RPS12: variants seen among roughly 807,000 people sequenced by gnomAD.
The protein encoded by RPS12 is small ribosomal subunit protein eS12.
A neutral mutation model predicts 17.2 loss-of-function variants in RPS12; 1 was observed. The ratio of observed to expected loss-of-function variants is 0.06; its 90% CI spans 0.02 to 0.28. The LOEUF (loss-of-function observed/expected upper bound fraction) is 0.28. RPS12 is among the 10% of genes least tolerant of loss of function. The pLI is 1.00. For synonymous variants in RPS12, 67 were observed against 54.0 expected (o/e 1.24, Z -1.06); for missense variants, 146 against 162.1 (o/e 0.90, Z 0.54).
intron 3 of RPS12, among the ~76,000 whole-genome samples, 161 bp from the exon 4 acceptor site, chr6:132,816,300 A>G (rs1290828753): frequency 1.3e-5 from 2 of 152,220 alleles, no homozygotes; most frequent in African/African-American, 4.8e-5. Flanking sequence ...GCTCCCTAGC[A>G]GGTTCTTCAG....
chr6:132,816,016 G>A (rs1244748457), intron 3 of RPS12: 1 of 422,312 alleles, frequency 2.4e-6, no homozygotes, highest in South Asian at 1.7e-5. Context: ...ACTTTCAGTA[G>A]AAACGGGGTT....
At chr6:132,815,295 CA>C (rs1562280113) in intron 3 of RPS12, 1 of 735,574 alleles carries the variant, frequency 1.4e-6, no homozygotes, top group Non-Finnish European at 2.5e-6. Flanking sequence ...GATAAGCACT[CA>C]AAACTACAGT....
Position 132,817,524 on chromosome 6 carries a change from T to C in RPS12, c.381T>C (p.Tyr127=). 6.2e-7 allele frequency: 1 copy of C among 1,611,844 alleles called. No homozygotes were observed. The highest frequency in any genetic ancestry group is 8.5e-7 in the Non-Finnish European group (1 of 1,179,194). The change falls in exon 6 of 6, where the codon TAT becomes TAC. Residue 127 remains tyrosine, a synonymous_variant. Coordinates refer to ENST00000230050, the MANE Select transcript of RPS12 (RefSeq NM_001016.4). ...ESQAKDVIEE[Y]FKCKK Reference sequence around the variant, plus strand: ...AGGCCAAGGATGTCATTGAAGAGTATTTCAAATGCAAGAAATGAAGAAATA... The same window carrying C: ...AGGCCAAGGATGTCATTGAAGAGTACTTCAAATGCAAGAAATGAAGAAATA...
Position 132,815,681 on chromosome 6 carries a change from G to GT in RPS12, c.131+595dup, listed in dbSNP as rs1447916083. 2.8e-5 allele frequency: 13 copies of GT among 456,688 alleles called. No individual in the cohort carries two copies. The East Asian group carries it at 7.6e-4, about 27-fold the overall frequency. 28.3% of individuals were successfully genotyped at this position (456,688 alleles called of 1,614,324 possible). On this transcript the variant is annotated intron_variant, in intron 3 of 5. Coordinates refer to ENST00000230050, the MANE Select transcript of RPS12 (RefSeq NM_001016.4). ...GCAGTTTTAAGGTTTTACAGGACAA[G>GT]TTCGTTTTGGTGTAATCTAGCCAGT...
chr6:132,817,257 G>GCAGA, intron 5 of RPS12, 196 bp downstream of exon 5: 1 of 772,918 alleles, frequency 1.3e-6, no homozygotes, highest in Non-Finnish European at 2.3e-6. Flanking sequence ...TTGTGTTTGT[G>GCAGA]CAGACATACT....
intron 3 of RPS12, chr6:132,815,879 G>A: frequency 2.4e-6 from 1 of 424,824 alleles, no homozygotes; most frequent in Non-Finnish European, 4.6e-6. Context: ...GTCTTGCTCT[G>A]TCCCCCAGGC....
At chr6:132,815,262 T>C in intron 3 of RPS12, 174 bp downstream of exon 3, 1 of 747,528 alleles carries the variant, frequency 1.3e-6, no homozygotes, top group Non-Finnish European at 2.5e-6. Flanking sequence ...ACTTAAAATG[T>C]GTGGGTTGCT....
In RPS12 at chr6:132,817,564, A is replaced by T; in HGVS notation, c.*22A>T. The stretch of plus-strand genomic sequence containing the variant: ...ATGAAGAAATAAATCTTTGGCTCAC[A>T]TTCCTCATGTCTGGCTTTTTATTTG... On this transcript the variant is annotated 3_prime_UTR_variant, in exon 6 of 6. Transcript: ENST00000230050. 2 of 1,596,192 alleles carry T rather than the reference A, an allele frequency of 1.3e-6. No homozygotes were observed. The highest frequency in any genetic ancestry group is 1.7e-6 in the Non-Finnish European group (2 of 1,167,924).
Position 132,816,977 on chromosome 6 carries a change from A to G in RPS12, c.252A>G (p.Lys84=), listed in dbSNP as rs773894855. The change falls in exon 5 of 6, where the codon AAA becomes AAG. Residue 84 remains lysine, a synonymous_variant. Coordinates refer to ENST00000230050, the MANE Select transcript of RPS12 (RefSeq NM_001016.4). ...INLIKVDDNK[K]LGEWVGLCKI... ...CCCAATAGGTTGATGACAACAAGAA[A>G]CTAGGAGAATGGGTAGGCCTTTGTA... 1.6e-5 allele frequency: 25 copies of G among 1,611,102 alleles called. No homozygotes were observed. The highest frequency in any genetic ancestry group is 2.0e-5 in the Non-Finnish European group (24 of 1,177,578).
chr6:132,815,508 C>T, intron 3 of RPS12: 1 of 407,666 alleles, frequency 2.5e-6, no homozygotes, highest in African/African-American at 2.1e-5. Context: ...GTTTCAGAAG[C>T]ATTTGGTCCT....
At chr6:132,815,925 C>T (rs771977721) in intron 3 of RPS12, 1 of 453,360 alleles carries the variant, frequency 2.2e-6, no homozygotes, top group Non-Finnish European at 4.4e-6. Context: ...GCAACCTCTA[C>T]CTACCAGGTT....
chr6:132,817,065 A>G lies in RPS12; in HGVS notation c.336+4A>G, dbSNP rs778267750. ...TTGCAGTTGTGTAGTAGTTAAGGTA[A>G]GTCACCGTTTATTCTAGGGATGAAG... On this transcript the variant is annotated splice_donor_region_variant and intron_variant, in intron 5 of 5. Coordinates refer to ENST00000230050, the MANE Select transcript of RPS12 (RefSeq NM_001016.4). 42 of 1,550,782 alleles carry G rather than the reference A, an allele frequency of 2.7e-5. No individual in the cohort carries two copies. The Admixed American group carries it at 3.7e-4, about 14-fold the overall frequency.
intron 3 of RPS12, chr6:132,815,362 CAT>C (rs752353948): frequency 2.3e-5 from 14 of 622,110 alleles, no homozygotes; most frequent in Non-Finnish European, 4.0e-5. Flanking sequence ...ATGAGTGAAA[CAT>C]AAGAGTCTGA....
At chr6:132,816,919 A>C (rs777740218) in intron 4 of RPS12, 41 bp from the exon 5 acceptor site, 6 of 1,273,788 alleles carry the variant, frequency 4.7e-6, no homozygotes, top group Non-Finnish European at 6.7e-6. Context: ...GTTAATGTCT[A>C]TTAATGTGAT....
rs1411934709 is a variant in RPS12, at chr6:132,815,924, A to G, written c.132-537A>G. The G allele has an allele frequency of 2.0e-5, 9 of 450,592 alleles. No homozygotes were observed. The East Asian group carries it at 2.1e-4, about 11-fold the overall frequency. The allele number at this position is 450,592 out of a possible 1,614,324, so 27.9% of individuals were successfully genotyped here. On this transcript the variant is annotated intron_variant, in intron 3 of 5. Transcript: ENST00000230050. ...GTGGCGCGATCTCATTGCAACCTCT[A>G]CCTACCAGGTTCAAGCGATTCTTCT...
At position 132,814,589 on chromosome 6, in the gene RPS12, A is replaced by C; in HGVS notation, c.-62A>C. 1 of 786,464 alleles carries C rather than the reference A, an allele frequency of 1.3e-6. No homozygotes were observed. Among genetic ancestry groups the C allele is most frequent in the Non-Finnish European group, 2.2e-6 (1 of 455,002 alleles). 48.7% of individuals were successfully genotyped at this position (786,464 alleles called of 1,614,324 possible). ...GAGGCCTCTTTCCCTGCCGCCGCCG[A>C]GTCGCGCGGAGGCGGAGGCTTGGGG... On this transcript the variant is annotated 5_prime_UTR_variant, in exon 1 of 6. Transcript: ENST00000230050.
Position 132,814,727 on chromosome 6 carries a change from T to C in RPS12, c.-37-5T>C. The C allele has an allele frequency of 1.2e-6, 2 of 1,609,574 alleles. No individual in the cohort carries two copies. Among genetic ancestry groups the C allele is most frequent in the South Asian group, 1.1e-5 (1 of 90,912 alleles). On this transcript the variant is annotated splice_polypyrimidine_tract_variant and splice_region_variant and intron_variant, in intron 1 of 5. Transcript: ENST00000230050. ...CTTTAACAAGTCAATGCTTTTGTTT[T>C]TTAGTGCGTTCAAGATTCAACTTCA...
At chr6:132,815,330 C>T (rs557537340) in intron 3 of RPS12, 14 of 687,774 alleles carry the variant, frequency 2.0e-5, no homozygotes, top group South Asian at 2.7e-5. Flanking sequence ...CTTTAATTGT[C>T]GGATACCCCT....
In RPS12 at chr6:132,816,638, C is replaced by T. The variant is rs1303569465; in HGVS notation, c.234+75C>T. On this transcript the variant is annotated intron_variant, in intron 4 of 5. Transcript: ENST00000230050. The stretch of plus-strand genomic sequence containing the variant: ...TATGGGGGTAAATTCTGTGAAGTCT[C>T]AAGCTGTTCATTTTGTGCAGGTGTA... The T allele has an allele frequency of 6.0e-6, 6 of 1,003,872 alleles. No individual in the cohort carries two copies. In the South Asian group the frequency reaches 6.3e-5, roughly 11 times the overall value. The allele number at this position is 1,003,872 out of a possible 1,614,324, so 62.2% of individuals were successfully genotyped here. A position where few individuals can be genotyped will look rare whatever the true frequency, so the allele number is the denominator to read the frequency against.
Sources: gnomAD v4.1 joint callset for allele counts (sites outside exome capture counted in the v4.1 genomes callset) on GRCh38, gnomAD v4.1.1 for gene constraint, MANE v1.5 for transcripts, NCBI Gene and HGNC (gene_info 2026-07-23, HGNC 2026-07-21) for gene names.